The following IPO5 variants were observed in gnomAD, a reference collection of about 807,000 sequenced individuals.
The protein encoded by IPO5 is importin-5.
Under a neutral mutation model 143.3 loss-of-function variants are expected in IPO5, and 18 were observed. The observed-to-expected ratio is 0.13, with a 90% CI of 0.09 to 0.19. IPO5 has a LOEUF of 0.19. Among genes scored for constraint, IPO5 ranks in the 10% least tolerant of loss-of-function variants. IPO5 has a pLI of 1.00. For missense variants in IPO5, 1,013 were observed against 1,336.9 expected (o/e 0.76, Z 3.78); for synonymous variants, 477 against 465.7 (o/e 1.02, Z -0.31).
intron 6 of IPO5, among the ~76,000 whole-genome samples, chr13:97,986,349 T>C (rs573206096): frequency 2.7e-5 from 4 of 150,872 alleles, no homozygotes. Context: ...AGCTATACTA[T>C]GTATATATAT....
At chr13:98,012,376 A>G in intron 21 of IPO5, 34 bp downstream of exon 21, 1 of 1,218,742 alleles carries the variant, frequency 8.2e-7, no homozygotes, top group Non-Finnish European at 1.2e-6. Flanking sequence ...AAACATGTCT[A>G]GATTTAGTAA....
intron 9 of IPO5, among the ~76,000 whole-genome samples, chr13:97,990,781 A>G (rs1003657087): frequency 6.6e-6 from 1 of 152,188 alleles, no homozygotes; most frequent in Non-Finnish European, 1.5e-5. Context: ...GTAAGCAATT[A>G]TATGCTTATT....
At chr13:97,959,500 C>T (rs755699914) in intron 2 of IPO5, among the ~76,000 whole-genome samples, 5 of 151,892 alleles carry the variant, frequency 3.3e-5, no homozygotes, top group Non-Finnish European at 7.4e-5. Context: ...GAGGCCGAGG[C>T]GGGTGGGTCA....
At chr13:98,006,566 A>G (rs1224390625) in intron 17 of IPO5, among the ~76,000 whole-genome samples, 1 of 151,106 alleles carries the variant, frequency 6.6e-6, no homozygotes, top group African/African-American at 2.4e-5. Context: ...AGTAGAGACA[A>G]GGTTTCACTG....
At chr13:97,954,081 T>A in intron 1 of IPO5, 38 bp from the exon 2 acceptor site, 1 of 286,524 alleles carries the variant, frequency 3.5e-6, no homozygotes, top group African/African-American at 2.2e-5. Context: ...TGTGTTGCCA[T>A]CCTGAAACAG....
chr13:98,002,743 A>G lies in IPO5; in HGVS notation c.1293A>G (p.Ala431=). 1.2e-6 allele frequency: 2 copies of G among 1,612,394 alleles called. No individual in the cohort carries two copies. Among genetic ancestry groups the G allele is most frequent in the South Asian group, 1.1e-5 (1 of 90,888 alleles). ...TGGGACAGATGGCTACAGATTTTGC[A>G]CCTGGTTTCCAAAAGAAATTTCATG... ...NAVGQMATDF[A]PGFQKKFHEK... is the part of the protein sequence containing the mutation. Residue 431 remains alanine, a synonymous_variant, in exon 15 of 29, where the codon GCA becomes GCG. Coordinates refer to ENST00000651721, the MANE Select transcript of IPO5 (RefSeq NM_002271.6).
At chr13:97,994,800 G>C (rs1888106516) in intron 11 of IPO5, among the ~76,000 whole-genome samples, 1 of 152,064 alleles carries the variant, frequency 6.6e-6, no homozygotes. Context: ...GCTCACATGG[G>C]AACAAAGCCA....
Position 97,993,222 on chromosome 13 carries a change from A to G in IPO5, c.910A>G (p.Thr304Ala), listed in dbSNP as rs1174589410. The G allele has an allele frequency of 3.1e-6, 5 of 1,613,578 alleles. No individual in the cohort carries two copies. The highest frequency in any genetic ancestry group is 3.3e-5 in the Admixed American group (2 of 59,948). ...LRKHTNIVAQ[T>A]IPQMLAMMVD... ...AAAACATACCAATATTGTTGCACAG[A>G]CTAGTAAGTCAATGGTCTTCAGATA... The change falls in exon 11 of 29, where the codon ACT becomes GCT. Residue 304 changes from threonine to alanine, a missense_variant. By Grantham distance (58) the Thr-to-Ala change is moderately conservative. Transcript: ENST00000651721.
At chr13:97,987,950 ATTT>A in intron 6 of IPO5, 5 of 242,626 alleles carry the variant, frequency 2.1e-5, no homozygotes, top group East Asian at 1.1e-4. Flanking sequence ...GCTCTCATAG[ATTT>A]TTTTTTTTTA....
At chr13:97,993,343 C>G (rs1887957437) in intron 11 of IPO5, 118 bp downstream of exon 11, 5 of 880,978 alleles carry the variant, frequency 5.7e-6, no homozygotes, top group Non-Finnish European at 6.9e-6. Flanking sequence ...CTTTTAGAAT[C>G]AGATGAATTT....
At chr13:97,974,651 C>A (rs1305145253) in intron 3 of IPO5, among the ~76,000 whole-genome samples, 1 of 149,960 alleles carries the variant, frequency 6.7e-6, no homozygotes. Flanking sequence ...GATGATGAAA[C>A]CTCCTCAGAA....
rs766125750 is a variant in IPO5, at chr13:97,976,719, A to T, written c.23A>T (p.Gln8Leu). The T allele has an allele frequency of 1.4e-6, 2 of 1,394,622 alleles. No homozygotes were observed. Among genetic ancestry groups the T allele is most frequent in the South Asian group, 1.2e-5 (1 of 82,598 alleles). The allele number at this position is 1,394,622 out of a possible 1,614,324, so 86.4% of individuals were successfully genotyped here. A position where few individuals can be genotyped will look rare whatever the true frequency, so the allele number is the denominator to read the frequency against. Reference protein sequence around the residue: MAAAAAEQQQFYLLLGNL... With the variant: MAAAAAELQQFYLLLGNL... ...GCAATGGCGGCGGCCGCGGCGGAGC[A>T]GCAACAGTTCTACCTGCTCCTGGGA... Residue 8 changes from glutamine to leucine, a missense_variant, in exon 4 of 29, where the codon CAG becomes CTG. Around this residue, in one of 2 missense-constraint regions of IPO5, gnomAD observed 328 missense variants for 342.0 expected, o/e 0.96. Transcript: ENST00000651721.
At chr13:97,970,718 T>C (rs1475790208) in intron 3 of IPO5, among the ~76,000 whole-genome samples, 1 of 152,238 alleles carries the variant, frequency 6.6e-6, no homozygotes, top group Non-Finnish European at 1.5e-5. Flanking sequence ...GCATTGCAAC[T>C]GTAGCATTGA....
At position 98,000,656 on chromosome 13, in the gene IPO5, TC is replaced by T; in HGVS notation, c.1108+13del. 16 of 1,567,236 alleles carry T rather than the reference TC, an allele frequency of 1.0e-5. No individual in the cohort carries two copies. The highest frequency in any genetic ancestry group is 1.4e-5 in the Non-Finnish European group (16 of 1,137,180). On this transcript the variant is annotated intron_variant, in intron 13 of 28. Coordinates refer to ENST00000651721, the MANE Select transcript of IPO5 (RefSeq NM_002271.6). ...AAATGCTTCAAAATCGTAAGCTGTG[TC>T]CTTCAAATGCTAGAAGAGTGAAGTT...
At chr13:98,015,507 C>A in intron 22 of IPO5, 23 bp from the exon 23 acceptor site, 1 of 1,400,220 alleles carries the variant, frequency 7.1e-7, no homozygotes, top group Non-Finnish European at 1.0e-6. Flanking sequence ...TTATGGATTG[C>A]TTTCTTTCCT....
intron 5 of IPO5, among the ~76,000 whole-genome samples, chr13:97,982,851 A>G (rs1252808316): frequency 6.6e-6 from 1 of 152,200 alleles, no homozygotes; most frequent in African/African-American, 2.4e-5. Flanking sequence ...ATTGCATAAG[A>G]ATTATTAAAT....
At chr13:97,979,733 T>C (rs994622074) in intron 4 of IPO5, 13 of 362,964 alleles carry the variant, frequency 3.6e-5, no homozygotes, top group South Asian at 1.3e-4. Context: ...GGTCTTGCTG[T>C]GTTGCCCAGG....
chr13:98,017,150 A>G (rs1349240281), intron 25 of IPO5, among the ~76,000 whole-genome samples: 1 of 152,118 alleles, frequency 6.6e-6, no homozygotes, highest in Non-Finnish European at 1.5e-5. Context: ...AATAAAAGGA[A>G]ACAGAATGGT....
At chr13:97,991,116 C>T (rs1035070415) in intron 9 of IPO5, among the ~76,000 whole-genome samples, 4 of 152,078 alleles carry the variant, frequency 2.6e-5, no homozygotes, top group African/African-American at 9.7e-5. Flanking sequence ...CCAACCTTGT[C>T]AGACTCCAAA....
Sources: gnomAD v4.1 joint callset for allele counts (sites outside exome capture counted in the v4.1 genomes callset) on GRCh38, gnomAD v4.1.1 for gene constraint, gnomAD v4.1.1 regional missense constraint, MANE v1.5 for transcripts, NCBI Gene and HGNC (gene_info 2026-07-23, HGNC 2026-07-21) for gene names.